Variants in ZNF519 observed in about 807,000 individuals in gnomAD.
ZNF519 encodes the protein similar to Zinc finger protein 85 (Zinc finger protein HPF4) (HTF1).
A neutral mutation model predicts 7.4 loss-of-function variants in ZNF519; 7 were observed. That is an observed-to-expected ratio of 0.94 (90% CI 0.54 to 1.77). The LOEUF (loss-of-function observed/expected upper bound fraction) is 1.77, where lower values mean the gene tolerates loss of function less well. Ranked by LOEUF, ZNF519 falls within the 40% of genes most tolerant of loss-of-function variation. The pLI is 0.00. For synonymous variants in ZNF519, 179 were observed against 203.3 expected, an observed-to-expected ratio of 0.88 and a Z score of 1.02; for missense variants, 586 against 623.1, an observed-to-expected ratio of 0.94 and a Z score of 0.63.
intron 2 of ZNF519, among the ~76,000 whole-genome samples, chr18:14,092,925 A>C (rs2143101209): frequency 6.6e-6 from 1 of 152,328 alleles, no homozygotes; most frequent in Non-Finnish European, 1.5e-5. Flanking sequence ...TCCCTAGGAT[A>C]AAAGTGCCTG....
At chr18:14,112,673 C>T (rs1008412768) in intron 2 of ZNF519, among the ~76,000 whole-genome samples, 1 of 151,990 alleles carries the variant, frequency 6.6e-6, no homozygotes, top group Admixed American at 6.6e-5. Context: ...AGAGTAATCC[C>T]ATTTACGATA....
In ZNF519 at chr18:14,105,239, C is replaced by T. The variant is rs768503200; in HGVS notation, c.1301G>A (p.Cys434Tyr). 2 of 1,571,630 alleles carry T rather than the reference C, an allele frequency of 1.3e-6. No individual in the cohort carries two copies. Among genetic ancestry groups the T allele is most frequent in the Non-Finnish European group, 1.7e-6 (2 of 1,145,392 alleles). ...GTTAAAGGCTTTGCCACATTCTTTA[C>T]ATTTGAAGTGTTTCTCTCCAGTATG... The part of the protein sequence containing the change: ...RIHTGEKHFK[C>Y]KECGKAFNRG... The change falls in exon 3 of 3, where the codon TGT becomes TAT. Residue 434 changes from cysteine (C) to tyrosine (Y), a missense_variant. Cys to Tyr is a radical substitution (Grantham distance 194). Coordinates refer to ENST00000590202, the MANE Select transcript of ZNF519 (RefSeq NM_145287.4).
chr18:14,099,612 C>T (rs1393721897), downstream of ZNF519, among the ~76,000 whole-genome samples: 1 of 152,170 alleles, frequency 6.6e-6, no homozygotes, highest in East Asian at 1.9e-4. Context: ...ATCCTAAAGA[C>T]ATTACTTCAC....
chr18:14,126,461 G>A (rs2046300123), intron 1 of ZNF519, among the ~76,000 whole-genome samples: 1 of 152,134 alleles, frequency 6.6e-6, no homozygotes, highest in Non-Finnish European at 1.5e-5. Context: ...ACCTTCAGTT[G>A]GTGGCATCAA....
chr18:14,106,494 G>T (rs2143129860), intron 2 of ZNF519, 85 bp from the exon 3 acceptor site: 1 of 1,229,698 alleles, frequency 8.1e-7, no homozygotes, highest in Non-Finnish European at 1.1e-6. Flanking sequence ...ATTTTGCCAA[G>T]CTGAGAACAT....
intron 2 of ZNF519, among the ~76,000 whole-genome samples, chr18:14,110,810 T>C (rs2046216218): frequency 6.6e-6 from 1 of 152,192 alleles, no homozygotes. Context: ...AAACTAGATA[T>C]TGTATATTCT....
downstream of ZNF519, among the ~76,000 whole-genome samples, chr18:14,094,982 T>C (rs757434333): frequency 3.3e-5 from 5 of 152,216 alleles, no homozygotes; most frequent in Admixed American, 2.0e-4. Context: ...TTCCTTAAAA[T>C]AGCTATTTTG....
chr18:14,126,445 G>C (rs1598523844), intron 1 of ZNF519, among the ~76,000 whole-genome samples: 1 of 152,156 alleles, frequency 6.6e-6, no homozygotes, highest in African/African-American at 2.4e-5. Context: ...TTCTGTCCAT[G>C]AATAGACCTT....
chr18:14,088,750 CTTTAA>C (rs1431638327), intron 2 of ZNF519, among the ~76,000 whole-genome samples: 3 of 152,124 alleles, frequency 2.0e-5, no homozygotes, highest in Non-Finnish European at 2.9e-5. Context: ...ACCATAATTA[CTTTAA>C]TTTCTTTATT....
At chr18:14,097,384 G>A (rs908135446), downstream of ZNF519, among the ~76,000 whole-genome samples, 1 of 152,142 alleles carries the variant, frequency 6.6e-6, no homozygotes, top group Non-Finnish European at 1.5e-5. Context: ...GGTGGAGGTG[G>A]CCCCACTAAA....
At chr18:14,111,169 T>TGA (rs1555632687) in intron 2 of ZNF519, among the ~76,000 whole-genome samples, 1 of 90,858 alleles carries the variant, frequency 1.1e-5, no homozygotes, top group African/African-American at 4.4e-5. Context: ...AGTTGTTTTC[T>TGA]AAAAAAAAAA....
chr18:14,082,551 T>G (rs1203845640), intron 3 of ZNF519: 1 of 152,192 alleles, frequency 6.6e-6, no homozygotes, highest in Non-Finnish European at 1.5e-5. Context: ...ACTGCTTTGC[T>G]CCTTTCTCTC....
intron 2 of ZNF519, among the ~76,000 whole-genome samples, chr18:14,109,475 G>A (rs1258553960): frequency 6.6e-6 from 1 of 152,004 alleles, no homozygotes; most frequent in South Asian, 2.1e-4. Context: ...CACAAAACAA[G>A]TCTTAAAACA....
chr18:14,086,639 C>A (rs77707401), intron 2 of ZNF519, among the ~76,000 whole-genome samples: 2,518 of 152,312 alleles, frequency 0.017, 45 homozygotes, highest in Non-Finnish European at 0.029. Context: ...GTAAACAGAA[C>A]CCCTGGAGCT....
rs761292416 is a variant in ZNF519, at chr18:14,105,396, C to T, written c.1144G>A (p.Gly382Ser). 3 of 1,613,830 alleles carry T rather than the reference C, an allele frequency of 1.9e-6. No homozygotes were observed. The highest frequency in any genetic ancestry group is 2.5e-6 in the Non-Finnish European group (3 of 1,179,976). ...GEKPFRCKEC[G>S]KAFNRSSYVT... ...TATGAGCTTCTATTAAAGGCTTTGC[C>T]ACATTCCTTACATCTGAAAGGTTTC... is the stretch of plus-strand genomic sequence containing the variant. The change falls in exon 3 of 3, where the codon GGC (glycine) becomes AGC (serine). Residue 382 changes from glycine to serine, a missense_variant. Physicochemically the swap from Gly to Ser is moderately conservative, Grantham distance 56 (BLOSUM62 0). Transcript: ENST00000590202.
chr18:14,118,751 C>T (rs1241733317), intron 2 of ZNF519, among the ~76,000 whole-genome samples: 1 of 152,106 alleles, frequency 6.6e-6, no homozygotes, highest in Non-Finnish European at 1.5e-5. Context: ...AATAGTCCTC[C>T]TATCAAGAGA....
intron 2 of ZNF519, among the ~76,000 whole-genome samples, chr18:14,112,595 G>A (rs1304161354): frequency 6.6e-6 from 1 of 152,044 alleles, no homozygotes; most frequent in East Asian, 1.9e-4. Context: ...ATTTAGTCAA[G>A]ATATAGGATT....
At position 14,105,557 on chromosome 18, in the gene ZNF519, G is replaced by A; in HGVS notation, c.983C>T (p.Ala328Val). The A allele has an allele frequency of 1.2e-6, 2 of 1,614,092 alleles. No individual in the cohort carries two copies. The highest frequency in any genetic ancestry group is 1.7e-5 in the Admixed American group (1 of 60,014). The change falls in exon 3 of 3, where the codon GCT (alanine) becomes GTT (valine). Residue 328 changes from alanine to valine, a missense_variant. By Grantham distance (64) the Ala-to-Val change is moderately conservative. Coordinates refer to ENST00000590202, the MANE Select transcript of ZNF519 (RefSeq NM_145287.4). Reference sequence around the variant, plus strand: ...AGTAAGGTATGAGCCTCTGTTAAAAGCTTTGCCACATTCCTTACACTTGAA... The same window carrying A: ...AGTAAGGTATGAGCCTCTGTTAAAAACTTTGCCACATTCCTTACACTTGAA... ...KPFKCKECGK[A>V]FNRGSYLTQH...
chr18:14,131,856 C>T (rs1223821541), intron 1 of ZNF519, among the ~76,000 whole-genome samples: 2 of 152,234 alleles, frequency 1.3e-5, no homozygotes, highest in Admixed American at 6.5e-5. Context: ...CAAACCATTG[C>T]TGAGCGCTGT....
Sources: allele counts gnomAD v4.1 joint callset (sites outside exome capture counted in the v4.1 genomes callset), GRCh38; gene constraint gnomAD v4.1.1; transcripts MANE v1.5; gene names NCBI Gene and HGNC (gene_info 2026-07-23, HGNC 2026-07-21).